LRRTM4: variants seen among roughly 807,000 people sequenced by gnomAD.
LRRTM4 encodes the protein leucine-rich repeat transmembrane neuronal protein 4.
LRRTM4 carries 25 observed loss-of-function variants against 47.6 expected under a neutral mutation model. The observed-to-expected ratio is 0.53, with a 90% CI of 0.38 to 0.73. The LOEUF (loss-of-function observed/expected upper bound fraction) is 0.73, where lower values mean the gene tolerates loss of function less well. Among genes scored for constraint, LRRTM4 ranks in the 30% least tolerant of loss-of-function variants. The probability of loss-of-function intolerance (pLI) is 0.00; values close to 1 mark genes in which losing one functional copy is unlikely to be tolerated. For missense variants in LRRTM4, 638 were observed against 713.4 expected (o/e 0.89, Z 1.20); for synonymous variants, 311 against 269.5 (o/e 1.15, Z -1.51).
At chr2:76,955,514 A>G (rs1418554134) in intron 3 of LRRTM4, among the ~76,000 whole-genome samples, 2 of 151,854 alleles carry the variant, frequency 1.3e-5, no homozygotes, top group African/African-American at 2.4e-5. Context: ...AGAATTCAAT[A>G]AAACAGAAAA....
At chr2:77,184,022 T>G (rs2103863122) in intron 3 of LRRTM4, among the ~76,000 whole-genome samples, 1 of 152,218 alleles carries the variant, frequency 6.6e-6, no homozygotes, top group African/African-American at 2.4e-5. Flanking sequence ...ACATGGCATA[T>G]GTATACATAT....
chr2:76,963,510 T>C (rs1558765160), intron 3 of LRRTM4, among the ~76,000 whole-genome samples: 1 of 150,972 alleles, frequency 6.6e-6, no homozygotes, highest in Non-Finnish European at 1.5e-5. Flanking sequence ...AAATATTTGA[T>C]TCAGAAATAA....
rs148118762 is a variant in LRRTM4 at position 77,000,546 on chromosome 2, T to C, written c.1552-251630A>G. ...ACATTAAGTGTGCTCAGGGACTGCA[T>C]ACTGCAAAGGCACAGTATTGCCCAT... On this transcript the variant is annotated intron_variant, in intron 3 of 3. Transcript: ENST00000409884. 9.8e-5 allele frequency among the ~76,000 whole-genome samples: 15 copies of C among 152,308 alleles called. No homozygotes were observed. In the East Asian group the frequency reaches 2.7e-3, roughly 28 times the overall value.
At chr2:77,235,249 G>T (rs1675074854) in intron 3 of LRRTM4, among the ~76,000 whole-genome samples, 1 of 151,802 alleles carries the variant, frequency 6.6e-6, no homozygotes, top group African/African-American at 2.4e-5. Context: ...GACTGGTTTG[G>T]GATTGTAGTT....
intron 3 of LRRTM4, among the ~76,000 whole-genome samples, chr2:77,383,383 C>T (rs1438018739): frequency 2.6e-5 from 4 of 151,754 alleles, no homozygotes; most frequent in Admixed American, 6.6e-5. Flanking sequence ...TCTAAATATC[C>T]GGATGATCTT....
chr2:77,255,173 AACAG>A (rs371193121), intron 3 of LRRTM4, among the ~76,000 whole-genome samples: 342 of 152,126 alleles, frequency 2.2e-3, no homozygotes, highest in African/African-American at 8.0e-3. Context: ...AACTACTAGT[AACAG>A]ACAAAGTCAT....
At chr2:77,122,389 C>T (rs902805682) in intron 3 of LRRTM4, among the ~76,000 whole-genome samples, 1 of 151,004 alleles carries the variant, frequency 6.6e-6, no homozygotes, top group Non-Finnish European at 1.5e-5. Context: ...AGAAAACCTA[C>T]ATGTTGCAGA....
At chr2:76,789,310 T>TCAGAATTCTCCACTTCCATGTTC (rs1674845302) in intron 3 of LRRTM4, among the ~76,000 whole-genome samples, 1 of 152,170 alleles carries the variant, frequency 6.6e-6, no homozygotes, top group Non-Finnish European at 1.5e-5. Flanking sequence ...ATATTTACCT[T>TCAGAATTCTCCACTTCCATGTTC]CAGAATTCTC....
chr2:76,841,261 T>G (rs1389462040), intron 3 of LRRTM4, among the ~76,000 whole-genome samples: 4 of 149,120 alleles, frequency 2.7e-5, no homozygotes, highest in Non-Finnish European at 5.9e-5. Context: ...AACATCACAC[T>G]CTGGGGACTG....
At chr2:77,362,082 A>T (rs1672235773) in intron 3 of LRRTM4, among the ~76,000 whole-genome samples, 1 of 150,862 alleles carries the variant, frequency 6.6e-6, no homozygotes, top group East Asian at 2.0e-4. Context: ...AGCTAGACTC[A>T]GTCTCAAAAA....
At chr2:76,857,130 A>G (rs1433177182) in intron 3 of LRRTM4, among the ~76,000 whole-genome samples, 1 of 151,170 alleles carries the variant, frequency 6.6e-6, no homozygotes, top group Non-Finnish European at 1.5e-5. Context: ...AGCAATACCA[A>G]CCCCTCCTCT....
chr2:77,509,461 C>T (rs890116916), intron 3 of LRRTM4, among the ~76,000 whole-genome samples: 2 of 151,936 alleles, frequency 1.3e-5, no homozygotes, highest in African/African-American at 4.8e-5. Flanking sequence ...TTAAATATTG[C>T]CAGCTCTGGT....
At chr2:77,359,800 G>C (rs17014024) in intron 3 of LRRTM4, among the ~76,000 whole-genome samples, 27 of 152,150 alleles carry the variant, frequency 1.8e-4, no homozygotes, top group Admixed American at 5.9e-4. Flanking sequence ...TGTGAATTAA[G>C]GGAGACACAG....
In LRRTM4 at chr2:77,264,326, C is replaced by CAG. The variant is rs141182779; in HGVS notation, c.1551+253990_1551+253991dup. On this transcript the variant is annotated intron_variant, in intron 3 of 3. Coordinates refer to ENST00000409884, the MANE Select transcript of LRRTM4 (RefSeq NM_001134745.3). ...AGCGAGAGAGAGGGAGAGAGAGAGA[C>CAG]AGAGAGAGAGAGAGAAAGTACAACC... Among the ~76,000 whole-genome samples, 5 of 150,708 alleles carry CAG rather than the reference C, an allele frequency of 3.3e-5. No individual in the cohort carries two copies. In the East Asian group the frequency reaches 5.9e-4, roughly 18 times the overall value.
Position 76,873,468 on chromosome 2 carries a change from GTGTGTA to G in LRRTM4, c.1552-124558_1552-124553del, listed in dbSNP as rs560194162. On this transcript the variant is annotated intron_variant, in intron 3 of 3. Coordinates refer to ENST00000409884, the MANE Select transcript of LRRTM4 (RefSeq NM_001134745.3). Reference sequence around the variant, plus strand: ...GTGTGTATATATATATAACGTGTGTGTGTGTATATATATATGTGTGTGTGTATATAT... The same window carrying G: ...GTGTGTATATATATATAACGTGTGTGTATATATATGTGTGTGTGTATATAT... Among the ~76,000 whole-genome samples the G allele has an allele frequency of 2.6e-3, 373 of 141,378 alleles. 1 individual carries two copies. The highest frequency in any genetic ancestry group is 8.3e-3 in the African/African-American group (305 of 36,846). The allele number at this position is 141,378 out of a possible 152,430, so 92.7% of individuals were successfully genotyped here. A position where few individuals can be genotyped will look rare whatever the true frequency, so the allele number is the denominator to read the frequency against.
intron 3 of LRRTM4, among the ~76,000 whole-genome samples, chr2:76,836,314 G>GT (rs952654269): frequency 3.3e-5 from 5 of 151,682 alleles, no homozygotes; most frequent in African/African-American, 4.8e-5. Context: ...ACCTAATCAA[G>GT]TTTTTTTTAA....
chr2:76,905,763 G>A (rs546796839), intron 3 of LRRTM4, among the ~76,000 whole-genome samples: 1 of 151,748 alleles, frequency 6.6e-6, no homozygotes, highest in South Asian at 2.1e-4. Flanking sequence ...AAGATGAAAT[G>A]AATGAAATGA....
chr2:76,812,578 G>C (rs1040954980), intron 3 of LRRTM4, among the ~76,000 whole-genome samples: 2 of 152,102 alleles, frequency 1.3e-5, no homozygotes, highest in Non-Finnish European at 1.5e-5. Context: ...GTATTACCAA[G>C]AGACACTTAA....
At chr2:76,886,680 T>G (rs1363465044) in intron 3 of LRRTM4, among the ~76,000 whole-genome samples, 1 of 152,016 alleles carries the variant, frequency 6.6e-6, no homozygotes, top group Non-Finnish European at 1.5e-5. Context: ...ATAACTCTCC[T>G]ACATATTTTT....
Sources: allele counts gnomAD v4.1 joint callset (sites outside exome capture counted in the v4.1 genomes callset), GRCh38; gene constraint gnomAD v4.1.1; transcripts MANE v1.5; gene names NCBI Gene and HGNC (gene_info 2026-07-23, HGNC 2026-07-21).